Variants in HECTD4 observed in about 807,000 individuals in gnomAD.
HECTD4 encodes the protein HECT domain E3 ubiquitin protein ligase 4, also known as probable E3 ubiquitin-protein ligase HECTD4.
A neutral mutation model predicts 471.5 loss-of-function variants in HECTD4; 114 were observed. The ratio of observed to expected loss-of-function variants is 0.24; its 90% CI spans 0.21 to 0.28. The LOEUF (loss-of-function observed/expected upper bound fraction) is 0.28, where lower values mean the gene tolerates loss of function less well. HECTD4 is among the 10% of genes least tolerant of loss of function. HECTD4 has a pLI of 1.00. For missense variants in HECTD4, 3,866 were observed against 5,651.5 expected (o/e 0.68, Z 10.13); for synonymous variants, 2,012 against 2,256.0 (o/e 0.89, Z 3.07).
intron 2 of HECTD4, among the ~76,000 whole-genome samples, chr12:112,316,790 C>T (rs2035488663): frequency 6.6e-6 from 1 of 151,372 alleles, no homozygotes; most frequent in African/African-American, 2.4e-5. Flanking sequence ...TGATCTAACA[C>T]TGAAAAGCAC....
intron 7 of HECTD4, among the ~76,000 whole-genome samples, chr12:112,297,513 G>A (rs1423615993): frequency 6.6e-6 from 1 of 152,000 alleles, no homozygotes; most frequent in East Asian, 1.9e-4. Context: ...AGATAGAGCA[G>A]ACAGTATTTG....
intron 52 of HECTD4, among the ~76,000 whole-genome samples, chr12:112,205,592 T>C (rs1486432488): frequency 6.6e-6 from 1 of 152,036 alleles, no homozygotes; most frequent in Non-Finnish European, 1.5e-5. Context: ...CGTTTCTTTT[T>C]CTTTTTCTTT....
intron 29 of HECTD4, among the ~76,000 whole-genome samples, chr12:112,245,210 C>A (rs1209580869): frequency 6.6e-6 from 1 of 152,128 alleles, no homozygotes; most frequent in Non-Finnish European, 1.5e-5. Context: ...TGCTATGTGG[C>A]AAAGCCTGGT....
chr12:112,319,147 C>T lies in HECTD4; in HGVS notation c.695+78G>A, dbSNP rs2035539890. The T allele has an allele frequency of 7.4e-7, 1 of 1,342,330 alleles. No individual in the cohort carries two copies. The highest frequency in any genetic ancestry group is 2.5e-5 in the East Asian group (1 of 39,938). 83.2% of individuals were successfully genotyped at this position (1,342,330 alleles called of 1,614,324 possible). A position where few individuals can be genotyped will look rare whatever the true frequency, so the allele number is the denominator to read the frequency against. ...AATGTTAAGACTTCTATCAAATATACTTGGCCTCTTCTTCATTCACCCAAC... is the reference window on the plus strand; with the variant it reads ...AATGTTAAGACTTCTATCAAATATATTTGGCCTCTTCTTCATTCACCCAAC... On this transcript the variant is annotated intron_variant, in intron 2 of 75. Coordinates refer to ENST00000682272, the MANE Select transcript of HECTD4 (RefSeq NM_001388303.1). The surrounding 1 kb of genome is among the most constrained non-coding windows in gnomAD (Gnocchi z 5.3).
At chr12:112,291,469 C>T (rs2034883606) in intron 7 of HECTD4, among the ~76,000 whole-genome samples, 1 of 152,108 alleles carries the variant, frequency 6.6e-6, no homozygotes, top group African/African-American at 2.4e-5. Context: ...GGTGCAGTGG[C>T]TCAAGTCTAT....
At chr12:112,251,324 G>A (rs2033880508) in intron 23 of HECTD4, among the ~76,000 whole-genome samples, 190 bp from the exon 24 acceptor site, 2 of 152,242 alleles carry the variant, frequency 1.3e-5, no homozygotes, top group African/African-American at 2.4e-5. Context: ...CCAGAGTGAA[G>A]TCTCAACACA....
rs1418137242 is a variant in HECTD4 at position 112,236,805 on chromosome 12, A to G, written c.5444+140T>C. On this transcript the variant is annotated intron_variant, in intron 35 of 75. Transcript: ENST00000682272. ...CTATGTTTCAATGACTTTATCCTCCATTATTTTTTTGAGGCAAGAGTGTGT... is the reference window on the plus strand; with the variant it reads ...CTATGTTTCAATGACTTTATCCTCCGTTATTTTTTTGAGGCAAGAGTGTGT... 8.5e-6 allele frequency: 6 copies of G among 704,678 alleles called. No homozygotes were observed. In the East Asian group the frequency reaches 1.5e-4, roughly 17 times the overall value. 43.7% of individuals were successfully genotyped at this position (704,678 alleles called of 1,614,324 possible).
intron 10 of HECTD4, among the ~76,000 whole-genome samples, 166 bp from the exon 11 acceptor site, chr12:112,273,961 G>A (rs931062011): frequency 2.6e-5 from 4 of 152,218 alleles, no homozygotes; most frequent in Admixed American, 1.3e-4. Context: ...GTTGGGACTC[G>A]GCAAAGGCCA....
intron 1 of HECTD4, among the ~76,000 whole-genome samples, chr12:112,359,250 A>T (rs1431403812): frequency 2.0e-5 from 3 of 150,660 alleles, no homozygotes; most frequent in Non-Finnish European, 3.0e-5. Context: ...ATTACCTGGG[A>T]CCTAGTTAGA....
At chr12:112,292,561 GCCC>G (rs2034910251) in intron 7 of HECTD4, among the ~76,000 whole-genome samples, 1 of 152,188 alleles carries the variant, frequency 6.6e-6, no homozygotes, top group Admixed American at 6.5e-5. Flanking sequence ...CATGTAGAAG[GCCC>G]TTTGTAATGT....
At chr12:112,297,828 A>G (rs993775881) in intron 7 of HECTD4, among the ~76,000 whole-genome samples, 2 of 152,174 alleles carry the variant, frequency 1.3e-5, no homozygotes, top group Non-Finnish European at 2.9e-5. Context: ...AGCATCATCA[A>G]CATATACAGG....
intron 37 of HECTD4, among the ~76,000 whole-genome samples, chr12:112,233,804 A>G (rs1458232650): frequency 6.6e-6 from 1 of 151,994 alleles, no homozygotes; most frequent in Non-Finnish European, 1.5e-5. Flanking sequence ...TTAGAAAGGA[A>G]GATTACAGGC....
chr12:112,222,425 G>A (rs532867685), intron 44 of HECTD4, among the ~76,000 whole-genome samples: 2 of 152,296 alleles, frequency 1.3e-5, no homozygotes, highest in African/African-American at 4.8e-5. Flanking sequence ...CCAGCACTTT[G>A]GGAGGTTGAA....
At chr12:112,323,606 A>C (rs940444707) in intron 1 of HECTD4, among the ~76,000 whole-genome samples, 21 of 152,178 alleles carry the variant, frequency 1.4e-4, no homozygotes, top group African/African-American at 5.1e-4. Flanking sequence ...GAAAAAAAAA[A>C]AACTATGGTA....
chr12:112,178,152 C>A (rs1272847360), intron 64 of HECTD4, among the ~76,000 whole-genome samples: 1 of 152,092 alleles, frequency 6.6e-6, no homozygotes, highest in Non-Finnish European at 1.5e-5. Flanking sequence ...GCAGCCTCGA[C>A]CTCTGGGGCT....
chr12:112,239,129 T>C lies in HECTD4; in HGVS notation c.5213A>G (p.Lys1738Arg), dbSNP rs1204192325. 8.1e-6 allele frequency: 13 copies of C among 1,613,988 alleles called. No homozygotes were observed. Among genetic ancestry groups the C allele is most frequent in the Non-Finnish European group, 1.1e-5 (13 of 1,179,874 alleles). The change falls in exon 34 of 76, where the codon AAG (lysine) becomes AGG (arginine). Residue 1738 changes from lysine to arginine, a missense_variant. This residue lies in a region of HECTD4 where 229 missense variants were observed against 386.4 expected (regional missense o/e 0.59). Coordinates refer to ENST00000682272, the MANE Select transcript of HECTD4 (RefSeq NM_001388303.1). This position sits in a 1 kb window ranked among gnomAD's most constrained non-coding sequence, Gnocchi z 4.9. ...CCAGGCCATGGTGGCCACCTTCTGC[T>C]TCTTGGTCTGTTTCTCACTGGAGCT... ...ESSSSEKQTK[K>R]QKVATMAWAA... is the part of the protein sequence containing the mutation.
chr12:112,214,004 AGAGT>A (rs1056053526), intron 48 of HECTD4, among the ~76,000 whole-genome samples: 1 of 152,056 alleles, frequency 6.6e-6, no homozygotes, highest in Admixed American at 6.6e-5. Context: ...CCTGGGTGAC[AGAGT>A]GAGACCCAGT....
At chr12:112,282,535 T>C (rs2034667670) in intron 8 of HECTD4, among the ~76,000 whole-genome samples, 3 of 152,108 alleles carry the variant, frequency 2.0e-5, no homozygotes, top group Admixed American at 6.5e-5. Flanking sequence ...ACTGGAAGGA[T>C]AAATGAAAAC....
chr12:112,379,978 T>C (rs370303439), intron 1 of HECTD4, among the ~76,000 whole-genome samples: 2 of 151,692 alleles, frequency 1.3e-5, no homozygotes, highest in East Asian at 3.9e-4. Context: ...TTGAAAACCA[T>C]TCTTCTGTGG....
Sources: gnomAD v4.1 joint callset for allele counts (sites outside exome capture counted in the v4.1 genomes callset) on GRCh38, gnomAD v4.1.1 for gene constraint, gnomAD v4.1.1 regional missense constraint, Gnocchi (gnomAD v3.1) non-coding constraint, MANE v1.5 for transcripts, NCBI Gene and HGNC (gene_info 2026-07-23, HGNC 2026-07-21) for gene names.